CACNB4: variants seen among roughly 807,000 people sequenced by gnomAD.
CACNB4 encodes the protein voltage-dependent L-type calcium channel subunit beta-4.
CACNB4 carries 32 observed loss-of-function variants against 71.2 expected under a neutral mutation model. That is an observed-to-expected ratio of 0.45 (90% CI 0.34 to 0.60). CACNB4 has a LOEUF of 0.60. CACNB4 is among the 20% of genes least tolerant of loss of function. The pLI is 0.01. For synonymous variants in CACNB4, 231 were observed against 236.9 expected (o/e 0.97, Z 0.23); for missense variants, 464 against 647.9 (o/e 0.72, Z 3.08).
intron 2 of CACNB4, among the ~76,000 whole-genome samples, chr2:151,957,740 GAAATAT>G (rs1037554842): frequency 4.6e-5 from 7 of 152,144 alleles, no homozygotes; most frequent in Non-Finnish European, 1.0e-4. Flanking sequence ...GGAGGCCCCA[GAAATAT>G]ATATACTGTA....
At chr2:152,042,184 G>A (rs554758375) in intron 2 of CACNB4, among the ~76,000 whole-genome samples, 6 of 152,198 alleles carry the variant, frequency 3.9e-5, no homozygotes, top group Non-Finnish European at 7.3e-5. Context: ...TACTAAGCAT[G>A]GAGAGAAAGC....
chr2:152,014,278 C>T (rs778803672), intron 2 of CACNB4, among the ~76,000 whole-genome samples: 2 of 152,076 alleles, frequency 1.3e-5, no homozygotes, highest in African/African-American at 2.4e-5. Flanking sequence ...ACCCAGGGGA[C>T]AGAGATTGTA....
In CACNB4 at chr2:152,094,506, G is replaced by A. The variant is rs534129216; in HGVS notation, c.147+3824C>T. Among the ~76,000 whole-genome samples the A allele has an allele frequency of 2.6e-5, 4 of 152,314 alleles. No homozygotes were observed. The East Asian group carries it at 7.7e-4, about 29-fold the overall frequency. On this transcript the variant is annotated intron_variant, in intron 2 of 13. Transcript: ENST00000539935. ...AGATTTTCTCTTCAAACCCCAGTGG[G>A]AAGAGGACTAACTTGGAGTACTCAG... is the stretch of plus-strand genomic sequence containing the variant.
chr2:151,846,695 GA>G (rs756144296), intron 12 of CACNB4, among the ~76,000 whole-genome samples: 54 of 152,186 alleles, frequency 3.5e-4, no homozygotes, highest in Non-Finnish European at 7.1e-4. Context: ...TGGGACTACA[GA>G]TATGCACCAC....
intron 11 of CACNB4, 114 bp from the exon 12 acceptor site, chr2:151,853,657 C>A: frequency 1.6e-6 from 1 of 622,778 alleles, no homozygotes. Flanking sequence ...AGAGGAAATG[C>A]AGTGTGAGAA....
chr2:151,911,285 C>T (rs958513615), intron 2 of CACNB4, among the ~76,000 whole-genome samples: 16 of 152,130 alleles, frequency 1.1e-4, no homozygotes, highest in Non-Finnish European at 8.8e-5. Context: ...TATTTGAATA[C>T]CCTTTCTTTC....
chr2:151,880,162 C>T (rs1326615342), intron 4 of CACNB4: 1 of 152,412 alleles, frequency 6.6e-6, no homozygotes, highest in African/African-American at 2.4e-5. Flanking sequence ...CCTGAAGTGT[C>T]TGTGCCTGCA....
chr2:152,019,663 G>A (rs1192486241), intron 2 of CACNB4, among the ~76,000 whole-genome samples: 1 of 152,134 alleles, frequency 6.6e-6, no homozygotes, highest in Non-Finnish European at 1.5e-5. Context: ...CCCAAAAAAT[G>A]GAAATAAAGG....
intron 2 of CACNB4, among the ~76,000 whole-genome samples, chr2:151,901,617 A>G (rs946521148): frequency 2.6e-5 from 4 of 152,214 alleles, no homozygotes; most frequent in Non-Finnish European, 5.9e-5. Context: ...AAAGATCACG[A>G]AGGAGTTTTT....
At position 152,071,348 on chromosome 2, in the gene CACNB4, C is replaced by T. The variant is rs189048446; in HGVS notation, c.147+26982G>A. Among the ~76,000 whole-genome samples the T allele has an allele frequency of 3.1e-3, 468 of 152,302 alleles. 4 individuals carry two copies. Among genetic ancestry groups the T allele is most frequent in the African/African-American group, 0.01 (430 of 41,570 alleles). On this transcript the variant is annotated intron_variant, in intron 2 of 13. Transcript: ENST00000539935. ...TTTTAAAACCTTACTATGAGAAACA[C>T]TTCCTCAAACATAGCAGGGGTGAGA...
intron 2 of CACNB4, among the ~76,000 whole-genome samples, chr2:152,067,338 G>A (rs1686394190): frequency 6.6e-6 from 1 of 150,770 alleles, no homozygotes; most frequent in Non-Finnish European, 1.5e-5. Flanking sequence ...CTCAGCAGTG[G>A]TCAGTTTGAT....
At chr2:152,049,337 T>G (rs929921146) in intron 2 of CACNB4, among the ~76,000 whole-genome samples, 3 of 151,942 alleles carry the variant, frequency 2.0e-5, no homozygotes, top group African/African-American at 7.3e-5. Flanking sequence ...GCTAATTTTT[T>G]TATTTTCAGT....
chr2:151,859,077 G>A (rs2099841004), intron 10 of CACNB4: 1 of 152,192 alleles, frequency 6.6e-6, no homozygotes, highest in Non-Finnish European at 1.5e-5. Context: ...ATCTACAAAT[G>A]TGCATTAACA....
chr2:152,069,289 T>C (rs1199442910), intron 2 of CACNB4, among the ~76,000 whole-genome samples: 1 of 152,080 alleles, frequency 6.6e-6, no homozygotes, highest in East Asian at 1.9e-4. Context: ...CCCAAATAAA[T>C]ACCTGCATAC....
At chr2:151,900,428 G>C (rs566051721) in intron 2 of CACNB4, among the ~76,000 whole-genome samples, 3 of 152,236 alleles carry the variant, frequency 2.0e-5, no homozygotes, top group Non-Finnish European at 4.4e-5. Flanking sequence ...TGGGGGCAGA[G>C]AAAACGTTGC....
intron 2 of CACNB4, among the ~76,000 whole-genome samples, chr2:152,097,520 A>G (rs1688339226): frequency 6.6e-6 from 1 of 152,142 alleles, no homozygotes; most frequent in Admixed American, 6.5e-5. Context: ...TCTCTCTAGC[A>G]CCCAGCAGCC....
At chr2:152,054,776 G>A (rs974671450) in intron 2 of CACNB4, among the ~76,000 whole-genome samples, 5 of 152,140 alleles carry the variant, frequency 3.3e-5, no homozygotes, top group African/African-American at 1.2e-4. Context: ...TGGGTGTAAA[G>A]TGGCATGTCA....
intron 11 of CACNB4, chr2:151,853,915 C>T (rs1392422177): frequency 6.4e-6 from 1 of 156,878 alleles, no homozygotes; most frequent in Non-Finnish European, 1.4e-5. Flanking sequence ...TCACTATCTC[C>T]ATGTCAGATA....
chr2:152,098,942 G>C lies in CACNB4; in HGVS notation c.63+7C>G. 7.0e-7 allele frequency: 1 copy of C among 1,436,416 alleles called. No individual in the cohort carries two copies. Among genetic ancestry groups the C allele is most frequent in the Admixed American group, 2.6e-5 (1 of 38,988 alleles). 89.0% of individuals were successfully genotyped at this position (1,436,416 alleles called of 1,614,324 possible). A position where few individuals can be genotyped will look rare whatever the true frequency, so the allele number is the denominator to read the frequency against. ...GGAAGAGGAGAAGGGGGAGGAGGGG[G>C]CGGTACCTGCGAGGTGGGGGAGTGC... is the stretch of plus-strand genomic sequence containing the variant. On this transcript the variant is annotated splice_region_variant and intron_variant, in intron 1 of 13. Coordinates refer to ENST00000539935, the MANE Select transcript of CACNB4 (RefSeq NM_000726.5). This position sits in a 1 kb window ranked among gnomAD's most constrained non-coding sequence, Gnocchi z 5.3.
Sources: allele counts gnomAD v4.1 joint callset (sites outside exome capture counted in the v4.1 genomes callset), GRCh38; gene constraint gnomAD v4.1.1; non-coding constraint Gnocchi (gnomAD v3.1); transcripts MANE v1.5; gene names NCBI Gene and HGNC (gene_info 2026-07-23, HGNC 2026-07-21).